ZHX2: variants seen among roughly 807,000 people sequenced by gnomAD.
ZHX2 encodes zinc fingers and homeoboxes protein 2.
A neutral mutation model predicts 21.9 loss-of-function variants in ZHX2; 6 were observed. The ratio of observed to expected loss-of-function variants is 0.27; its 90% CI spans 0.15 to 0.54. The LOEUF (loss-of-function observed/expected upper bound fraction) is 0.54. Among genes scored for constraint, ZHX2 ranks in the 20% least tolerant of loss-of-function variants. The pLI is 0.95. For synonymous variants in ZHX2, 434 were observed against 437.1 expected (o/e 0.99, Z 0.09); for missense variants, 908 against 1,090.7 (o/e 0.83, Z 2.36).
In ZHX2 at chr8:122,953,353, G is replaced by A. The variant is rs181151109; in HGVS notation, c.1843G>A (p.Asp615Asn). The change falls in exon 3 of 4, where the codon GAC (aspartate) becomes AAC (asparagine). Residue 615 changes from aspartate (D) to asparagine (N), a missense_variant. By Grantham distance (23) the Asp-to-Asn change is conservative. Coordinates refer to ENST00000314393, the MANE Select transcript of ZHX2 (RefSeq NM_014943.5). The surrounding 1 kb of genome is among the most constrained non-coding windows in gnomAD (Gnocchi z 4.6). The stretch of plus-strand genomic sequence containing the variant: ...CCCCAATGGTGCTCTGTCTCGACTC[G>A]ACCAGCTCTCCGGTGCCCAGTTAAC... The part of the protein sequence containing the change: ...GAPNGALSRL[D>N]QLSGAQLTSS... 5.7e-5 allele frequency: 92 copies of A among 1,614,028 alleles called. No homozygotes were observed. The highest frequency in any genetic ancestry group is 7.0e-5 in the Non-Finnish European group (83 of 1,180,034).
intron 3 of ZHX2, among the ~76,000 whole-genome samples, chr8:122,965,949 T>A (rs1813576429): frequency 6.6e-6 from 1 of 152,222 alleles, no homozygotes. Flanking sequence ...GTCTGTTTTG[T>A]CTGCTATAAG....
At chr8:122,787,641 A>T (rs1402530105) in intron 1 of ZHX2, among the ~76,000 whole-genome samples, 1 of 152,204 alleles carries the variant, frequency 6.6e-6, no homozygotes, top group East Asian at 1.9e-4. Context: ...TTCGGGGAGT[A>T]GCCAAATTGA....
At chr8:122,824,322 T>G (rs1413522088) in intron 1 of ZHX2, among the ~76,000 whole-genome samples, 1 of 152,208 alleles carries the variant, frequency 6.6e-6, no homozygotes, top group Admixed American at 6.5e-5. Context: ...GGACAGAGCC[T>G]GTCCCATGCA....
chr8:122,841,571 G>A (rs1818628998), intron 1 of ZHX2, among the ~76,000 whole-genome samples: 2 of 152,164 alleles, frequency 1.3e-5, no homozygotes, highest in Non-Finnish European at 2.9e-5. Flanking sequence ...AGGCAGAGGG[G>A]CAGCCTGAGC....
At chr8:122,795,045 G>A (rs1052111617) in intron 1 of ZHX2, among the ~76,000 whole-genome samples, 4 of 152,178 alleles carry the variant, frequency 2.6e-5, no homozygotes, top group African/African-American at 9.7e-5. Context: ...GTTTGTCTCC[G>A]TGTTCCCAGC....
At chr8:122,785,087 AAACT>A (rs898301142) in intron 1 of ZHX2, among the ~76,000 whole-genome samples, 3 of 152,230 alleles carry the variant, frequency 2.0e-5, no homozygotes, top group African/African-American at 7.2e-5. Flanking sequence ...ATGATTGAGA[AAACT>A]AACCACTGTG....
intron 1 of ZHX2, among the ~76,000 whole-genome samples, chr8:122,827,100 A>G (rs1818279334): frequency 6.6e-6 from 1 of 152,142 alleles, no homozygotes; most frequent in Admixed American, 6.6e-5. Flanking sequence ...GGCTCACTGC[A>G]ACCTTCGAAT....
chr8:122,816,021 A>G (rs1367298902), intron 1 of ZHX2, among the ~76,000 whole-genome samples: 1 of 147,150 alleles, frequency 6.8e-6, no homozygotes, highest in Non-Finnish European at 1.5e-5. Flanking sequence ...CGGAGGTTGC[A>G]GTGAGCCAAG....
At chr8:122,937,737 C>T (rs1240433315) in intron 2 of ZHX2, among the ~76,000 whole-genome samples, 1 of 151,048 alleles carries the variant, frequency 6.6e-6, no homozygotes, top group South Asian at 2.1e-4. Flanking sequence ...CACTACCACA[C>T]CTGGCTAATT....
intron 1 of ZHX2, chr8:122,815,493 A>G (rs961022866): frequency 1.3e-5 from 2 of 153,240 alleles, no homozygotes; most frequent in African/African-American, 4.8e-5. Flanking sequence ...AACTGCTGCA[A>G]TCTCATGATA....
intron 3 of ZHX2, among the ~76,000 whole-genome samples, chr8:122,958,254 A>T (rs1411590929): frequency 6.6e-6 from 1 of 152,220 alleles, no homozygotes; most frequent in Non-Finnish European, 1.5e-5. Context: ...AGACACAAAG[A>T]TAAGGAATAC....
At chr8:122,817,719 C>A (rs1324934738) in intron 1 of ZHX2, among the ~76,000 whole-genome samples, 4 of 152,206 alleles carry the variant, frequency 2.6e-5, no homozygotes, top group African/African-American at 9.7e-5. Flanking sequence ...TGCCCCTGAC[C>A]CATCATTGTG....
chr8:122,933,470 C>T lies in ZHX2; in HGVS notation c.-219-17822C>T, dbSNP rs117994065. 7.7e-3 allele frequency among the ~76,000 whole-genome samples: 1,166 copies of T among 152,212 alleles called. 6 individuals are homozygous for T. The highest frequency in any genetic ancestry group is 0.017 in the Admixed American group (260 of 15,296). The stretch of plus-strand genomic sequence containing the variant: ...CTGCTTTCAGAAACACATCACTCTT[C>T]TCTAAGCCCTGGTTTTCCGTGTTTG... On this transcript the variant is annotated intron_variant, in intron 2 of 3. Transcript: ENST00000314393.
At chr8:122,884,983 C>T (rs1029608865) in intron 2 of ZHX2, among the ~76,000 whole-genome samples, 7 of 152,106 alleles carry the variant, frequency 4.6e-5, no homozygotes, top group Admixed American at 3.3e-4. Context: ...AGATATTGTG[C>T]TGGGTCAGTG....
At chr8:122,937,741 G>A (rs888530031) in intron 2 of ZHX2, among the ~76,000 whole-genome samples, 1 of 150,914 alleles carries the variant, frequency 6.6e-6, no homozygotes, top group African/African-American at 2.4e-5. Flanking sequence ...ACCACACCTG[G>A]CTAATTTTTG....
At chr8:122,941,715 G>A (rs1812848426) in intron 2 of ZHX2, among the ~76,000 whole-genome samples, 4 of 152,020 alleles carry the variant, frequency 2.6e-5, no homozygotes, top group Admixed American at 2.0e-4. Flanking sequence ...TCATGGGACA[G>A]TGTGTTTCAG....
chr8:122,964,613 T>C (rs372054007), intron 3 of ZHX2, among the ~76,000 whole-genome samples: 4 of 152,152 alleles, frequency 2.6e-5, no homozygotes, highest in African/African-American at 4.8e-5. Context: ...ATTTTTCTTT[T>C]GTTACATCCT....
intron 3 of ZHX2, among the ~76,000 whole-genome samples, chr8:122,969,420 A>G (rs1813665656): frequency 6.6e-6 from 1 of 152,132 alleles, no homozygotes; most frequent in Non-Finnish European, 1.5e-5. Flanking sequence ...CCCCCCCAAA[A>G]ATAGACACAA....
chr8:122,835,306 C>G (rs540427696), intron 1 of ZHX2, among the ~76,000 whole-genome samples: 8 of 152,190 alleles, frequency 5.3e-5, no homozygotes, highest in Non-Finnish European at 1.0e-4. Flanking sequence ...AGATGGCGCC[C>G]GAGCGAGTAA....
Sources: gnomAD v4.1 joint callset for allele counts (sites outside exome capture counted in the v4.1 genomes callset) on GRCh38, gnomAD v4.1.1 for gene constraint, Gnocchi (gnomAD v3.1) non-coding constraint, MANE v1.5 for transcripts, NCBI Gene and HGNC (gene_info 2026-07-23, HGNC 2026-07-21) for gene names.